FMN1: variants seen among roughly 807,000 people sequenced by gnomAD.
FMN1 encodes the protein formin-1.
Under a neutral mutation model 132.4 loss-of-function variants are expected in FMN1, and 110 were observed. The ratio of observed to expected loss-of-function variants is 0.83; its 90% confidence interval spans 0.71 to 0.97. The LOEUF (loss-of-function observed/expected upper bound fraction) is 0.97, where lower values mean the gene tolerates loss of function less well. FMN1 is among the 50% of genes least tolerant of loss of function. The probability of loss-of-function intolerance (pLI) is 0.00; values close to 1 mark genes in which losing one functional copy is unlikely to be tolerated. For synonymous variants in FMN1, 722 were observed against 651.7 expected, an observed-to-expected ratio of 1.11 and a Z score of -1.64; for missense variants, 1,792 against 1,705.3, an observed-to-expected ratio of 1.05 and a Z score of -0.90.
In FMN1 at chr15:33,150,379, T is replaced by C. The variant is rs893383673; in HGVS notation, c.1867+2669A>G. ...AAATACTATAAAACCAATCTCCAGGTTGGTGGTGGGAGGAGGCAGGAGAAG... is the reference window on the plus strand; with the variant it reads ...AAATACTATAAAACCAATCTCCAGGCTGGTGGTGGGAGGAGGCAGGAGAAG... On this transcript the variant is annotated intron_variant, in intron 4 of 20. Transcript: ENST00000616417. The C allele has an allele frequency of 4.1e-6, 4 of 985,256 alleles. No individual in the cohort carries two copies. The East Asian group carries it at 4.5e-4, about 112-fold the overall frequency. The allele number at this position is 985,256 out of a possible 1,614,324, so 61.0% of individuals were successfully genotyped here. A position where few individuals can be genotyped will look rare whatever the true frequency, so the allele number is the denominator to read the frequency against.
chr15:32,777,620 CA>C (rs10710846), intron 19 of FMN1, among the ~76,000 whole-genome samples: 2,011 of 42,146 alleles, frequency 0.048, 273 homozygotes, highest in African/African-American at 0.16. Context: ...TAACATAACA[CA>C]TTTATATATT....
intron 3 of FMN1, among the ~76,000 whole-genome samples, chr15:33,162,836 G>T (rs1346610764): frequency 1.3e-5 from 2 of 152,188 alleles, no homozygotes; most frequent in Non-Finnish European, 2.9e-5. Flanking sequence ...AGTGTTACAG[G>T]CCGGGCGTGG....
intron 16 of FMN1, among the ~76,000 whole-genome samples, chr15:32,885,745 G>A (rs2059881899): frequency 6.6e-6 from 1 of 151,836 alleles, no homozygotes; most frequent in Non-Finnish European, 1.5e-5. Flanking sequence ...TTAAATCAGT[G>A]ACATTAGTAT....
intron 16 of FMN1, among the ~76,000 whole-genome samples, chr15:32,870,690 A>G (rs771808462): frequency 7.2e-5 from 11 of 152,220 alleles, no homozygotes; most frequent in Non-Finnish European, 1.0e-4. Flanking sequence ...CATTAGCATG[A>G]AACATATTCA....
intron 9 of FMN1, among the ~76,000 whole-genome samples, chr15:32,938,411 C>A (rs1234319480): frequency 6.6e-6 from 1 of 152,102 alleles, no homozygotes; most frequent in Non-Finnish European, 1.5e-5. Flanking sequence ...CTCCCGTAAT[C>A]CCAGCTCCTC....
At chr15:33,026,257 G>A (rs1214264522) in intron 6 of FMN1, among the ~76,000 whole-genome samples, 1 of 151,728 alleles carries the variant, frequency 6.6e-6, no homozygotes, top group East Asian at 1.9e-4. Flanking sequence ...GTAACAAAAG[G>A]GGCCTCAACA....
At chr15:33,071,783 A>G (rs895295940) in intron 5 of FMN1, among the ~76,000 whole-genome samples, 7 of 152,216 alleles carry the variant, frequency 4.6e-5, no homozygotes, top group African/African-American at 1.7e-4. Context: ...TCAGGGAATG[A>G]GAGTGTTTCA....
intron 5 of FMN1, among the ~76,000 whole-genome samples, chr15:33,081,729 C>T (rs985313322): frequency 6.6e-6 from 1 of 152,198 alleles, no homozygotes; most frequent in African/African-American, 2.4e-5. Flanking sequence ...TTAAATCCTG[C>T]CCGTGCCCTT....
chr15:32,982,630 C>A lies in FMN1; in HGVS notation c.2224-13153G>T, dbSNP rs193172816. On this transcript the variant is annotated intron_variant, in intron 7 of 20. Coordinates refer to ENST00000616417, the MANE Select transcript of FMN1 (RefSeq NM_001277313.2). ...ATTTAAATCTGGAGGCTGGGTAAAG[C>A]AGATTGCCCTCCCTAATGTAGGTGG... Among the ~76,000 whole-genome samples the A allele has an allele frequency of 3.3e-5, 5 of 152,248 alleles. No individual in the cohort carries two copies. In the East Asian group the frequency reaches 9.6e-4, roughly 29 times the overall value.
intron 3 of FMN1, among the ~76,000 whole-genome samples, chr15:33,165,151 C>T (rs968286567): frequency 2.6e-5 from 4 of 152,188 alleles, no homozygotes; most frequent in Admixed American, 1.3e-4. Flanking sequence ...CACAGCATCT[C>T]GCTAAAGGTG....
intron 9 of FMN1, among the ~76,000 whole-genome samples, chr15:32,946,492 G>T (rs1211662777): frequency 6.6e-6 from 1 of 152,154 alleles, no homozygotes; most frequent in Admixed American, 6.6e-5. Context: ...TTCCAGCAAA[G>T]ATGTACATTC....
chr15:32,866,993 GCT>G (rs1244011944), intron 16 of FMN1, among the ~76,000 whole-genome samples: 1 of 152,140 alleles, frequency 6.6e-6, no homozygotes, highest in Non-Finnish European at 1.5e-5. Context: ...CCCATGCTAT[GCT>G]CTCTGTCTAG....
At chr15:32,952,888 T>C (rs184395800) in intron 9 of FMN1, among the ~76,000 whole-genome samples, 144 of 152,292 alleles carry the variant, frequency 9.5e-4, no homozygotes, top group Non-Finnish European at 1.7e-3. Context: ...AAATGCCCAA[T>C]AGGTTCCATC....
rs372922528 is a variant in FMN1 at position 32,965,449 on chromosome 15, T to G, written c.2988-1192A>C. On this transcript the variant is annotated intron_variant, in intron 8 of 20. Transcript: ENST00000616417. ...TATCAATGCCCACAAATTTCATCTATATACTTATTGTTTATCAAACATAGG... is the reference window on the plus strand; with the variant it reads ...TATCAATGCCCACAAATTTCATCTAGATACTTATTGTTTATCAAACATAGG... Among the ~76,000 whole-genome samples, 33 of 152,304 alleles carry G rather than the reference T, an allele frequency of 2.2e-4. 1 individual carries two copies. The East Asian group carries it at 3.3e-3, about 15-fold the overall frequency.
chr15:32,826,440 G>A (rs1189736507), intron 17 of FMN1, among the ~76,000 whole-genome samples: 1 of 152,186 alleles, frequency 6.6e-6, no homozygotes, highest in Admixed American at 6.5e-5. Context: ...AGCCAAAAGG[G>A]TATGCTCAGA....
chr15:33,095,561 G>C (rs1006010254), intron 4 of FMN1, among the ~76,000 whole-genome samples: 3 of 151,990 alleles, frequency 2.0e-5, no homozygotes, highest in African/African-American at 7.2e-5. Flanking sequence ...CACAAGGCTA[G>C]TTTTTAATTT....
chr15:32,876,998 G>A (rs1333935504), intron 16 of FMN1, among the ~76,000 whole-genome samples: 2 of 152,130 alleles, frequency 1.3e-5, no homozygotes, highest in African/African-American at 2.4e-5. Context: ...AAAGACAGAT[G>A]GTATCGGCTG....
At chr15:32,815,458 T>C (rs1002164888) in intron 17 of FMN1, among the ~76,000 whole-genome samples, 2 of 152,170 alleles carry the variant, frequency 1.3e-5, no homozygotes, top group African/African-American at 2.4e-5. Flanking sequence ...TTAGGGCCAA[T>C]ACTTCATTCT....
intron 16 of FMN1, among the ~76,000 whole-genome samples, chr15:32,887,262 A>T (rs892070399): frequency 6.6e-6 from 1 of 152,136 alleles, no homozygotes; most frequent in African/African-American, 2.4e-5. Context: ...GAAGCCCTTC[A>T]TTTCCTCAAG....
Sources: allele counts gnomAD v4.1 joint callset (sites outside exome capture counted in the v4.1 genomes callset), GRCh38; gene constraint gnomAD v4.1.1; transcripts MANE v1.5; gene names NCBI Gene and HGNC (gene_info 2026-07-23, HGNC 2026-07-21).